GALNT13: variants seen among roughly 807,000 people sequenced by gnomAD.
GALNT13 encodes polypeptide N-acetylgalactosaminyltransferase 13.
Under a neutral mutation model 64.2 loss-of-function variants are expected in GALNT13, and 28 were observed. The ratio of observed to expected loss-of-function variants is 0.44; its 90% CI spans 0.32 to 0.60. The LOEUF is 0.60. Among genes scored for constraint, GALNT13 ranks in the 20% least tolerant of loss-of-function variants. The pLI, the probability that GALNT13 is intolerant of heterozygous loss-of-function variation, is 0.05. For missense variants in GALNT13, 577 were observed against 669.8 expected (o/e 0.86, Z 1.53); for synonymous variants, 214 against 224.6 (o/e 0.95, Z 0.42).
chr2:153,465,658 A>C, the GALNT13 span, among the ~76,000 whole-genome samples: 1 of 151,788 alleles, frequency 6.6e-6, no homozygotes, highest in African/African-American at 2.4e-5. Flanking sequence ...GCTTAATGTA[A>C]GGACTAGTCT....
chr2:153,258,104 T>G, the GALNT13 span, among the ~76,000 whole-genome samples: 126,387 of 152,108 alleles, frequency 0.83, 53,764 homozygotes, highest in African/African-American at 0.93. Context: ...AAAAAAAGTC[T>G]TAGAGATTCC....
At chr2:153,886,687 A>G (rs1687204352) in intron 1 of GALNT13, among the ~76,000 whole-genome samples, 1 of 151,978 alleles carries the variant, frequency 6.6e-6, no homozygotes, top group Non-Finnish European at 1.5e-5. Flanking sequence ...CCCTCATTTT[A>G]CCATTTTCTG....
chr2:154,430,547 G>A (rs1443268874), intron 11 of GALNT13, among the ~76,000 whole-genome samples: 2 of 152,146 alleles, frequency 1.3e-5, no homozygotes, highest in Non-Finnish European at 2.9e-5. Flanking sequence ...TACTCCTATT[G>A]AAGATGCTGT....
the GALNT13 span, among the ~76,000 whole-genome samples, chr2:153,339,901 G>C: frequency 2.6e-5 from 4 of 152,086 alleles, no homozygotes; most frequent in Non-Finnish European, 5.9e-5. Context: ...TGAAAGATCT[G>C]TTAACCATAA....
chr2:153,243,811 AAC>A, the GALNT13 span, among the ~76,000 whole-genome samples: 2 of 152,200 alleles, frequency 1.3e-5, no homozygotes, highest in Non-Finnish European at 2.9e-5. Flanking sequence ...TTAAAATGAA[AAC>A]ACACTGATGC....
At chr2:154,078,338 A>G (rs923167792) in intron 3 of GALNT13, among the ~76,000 whole-genome samples, 3 of 151,562 alleles carry the variant, frequency 2.0e-5, no homozygotes, top group African/African-American at 7.3e-5. Context: ...GCCATAGGAA[A>G]AAGAAAATTA....
chr2:153,648,600 G>T, the GALNT13 span, among the ~76,000 whole-genome samples: 1 of 152,004 alleles, frequency 6.6e-6, no homozygotes, highest in Non-Finnish European at 1.5e-5. Context: ...TTGGCTGTGG[G>T]TTTGTCATAT....
At chr2:153,108,619 G>C in the GALNT13 span, among the ~76,000 whole-genome samples, 337 of 152,200 alleles carry the variant, frequency 2.2e-3, no homozygotes, top group African/African-American at 7.7e-3. Flanking sequence ...TGCGAGGTGG[G>C]CAGGGATTTC....
chr2:153,723,865 A>G, the GALNT13 span, among the ~76,000 whole-genome samples: 1 of 151,052 alleles, frequency 6.6e-6, no homozygotes, highest in Non-Finnish European at 1.5e-5. Context: ...ATATCGTGAA[A>G]ATGGCCATAC....
At chr2:153,445,537 T>C in the GALNT13 span, among the ~76,000 whole-genome samples, 2 of 151,984 alleles carry the variant, frequency 1.3e-5, no homozygotes, top group Non-Finnish European at 2.9e-5. Flanking sequence ...GCACAATGCC[T>C]GGGTAATTTT....
the GALNT13 span, among the ~76,000 whole-genome samples, chr2:153,805,033 T>G: frequency 6.6e-6 from 1 of 151,922 alleles, no homozygotes; most frequent in African/African-American, 2.4e-5. Context: ...GCATAAATTA[T>G]GAAATATATA....
intron 3 of GALNT13, among the ~76,000 whole-genome samples, chr2:154,026,905 G>A (rs1469788008): frequency 2.6e-5 from 4 of 152,060 alleles, no homozygotes; most frequent in East Asian, 1.9e-4. Flanking sequence ...ACACCCAATC[G>A]AGCATCCGGA....
At chr2:154,372,991 CT>C (rs1697786100) in intron 9 of GALNT13, among the ~76,000 whole-genome samples, 1 of 151,880 alleles carries the variant, frequency 6.6e-6, no homozygotes, top group South Asian at 2.1e-4. Flanking sequence ...GAACACTTTC[CT>C]TTTTAAAGGA....
At chr2:154,293,703 C>A (rs1450700022) in intron 8 of GALNT13, among the ~76,000 whole-genome samples, 1 of 152,078 alleles carries the variant, frequency 6.6e-6, no homozygotes, top group Non-Finnish European at 1.5e-5. Context: ...TATTTCATAG[C>A]CCAAGTTCTT....
the GALNT13 span, among the ~76,000 whole-genome samples, chr2:153,848,776 AT>A: frequency 2.0e-5 from 3 of 152,082 alleles, no homozygotes; most frequent in African/African-American, 7.2e-5. Context: ...AATATGAAGC[AT>A]TTATGGCAAA....
intron 2 of GALNT13, among the ~76,000 whole-genome samples, chr2:153,921,390 C>G (rs1177270396): frequency 6.6e-6 from 1 of 152,118 alleles, no homozygotes; most frequent in Non-Finnish European, 1.5e-5. Flanking sequence ...ACTGCATTCT[C>G]TCATTTGTAA....
At chr2:154,347,090 G>A (rs928459457) in intron 9 of GALNT13, among the ~76,000 whole-genome samples, 1 of 152,016 alleles carries the variant, frequency 6.6e-6, no homozygotes, top group Non-Finnish European at 1.5e-5. Flanking sequence ...TAGAAAGTTA[G>A]CATTTCATTG....
chr2:154,034,975 A>C (rs1162093871), intron 3 of GALNT13, among the ~76,000 whole-genome samples: 1 of 152,172 alleles, frequency 6.6e-6, no homozygotes, highest in Admixed American at 6.5e-5. Context: ...AATGTAAATT[A>C]GTACAATGTC....
chr2:153,730,522 T>C, the GALNT13 span, among the ~76,000 whole-genome samples: 1 of 151,676 alleles, frequency 6.6e-6, no homozygotes, highest in East Asian at 1.9e-4. Context: ...ATGACTAAGA[T>C]CTCAAAAGCA....
Sources: allele counts gnomAD v4.1 joint callset (sites outside exome capture counted in the v4.1 genomes callset), GRCh38; gene constraint gnomAD v4.1.1; transcripts MANE v1.5; gene names NCBI Gene and HGNC (gene_info 2026-07-23, HGNC 2026-07-21).